The following VWA8 variants were observed in gnomAD, a reference collection of about 807,000 sequenced individuals.
VWA8 encodes von Willebrand factor A domain-containing protein 8.
A neutral mutation model predicts 241.5 loss-of-function variants in VWA8; 221 were observed. The observed-to-expected ratio is 0.91, with a 90% CI of 0.82 to 1.02. VWA8 has a LOEUF of 1.02. VWA8 is among the 50% of genes least tolerant of loss of function. The pLI, the probability that VWA8 is intolerant of heterozygous loss-of-function variation, is 0.00. For missense variants in VWA8, 2,322 were observed against 2,328.7 expected (o/e 1.00, Z 0.06); for synonymous variants, 852 against 827.1 (o/e 1.03, Z -0.52).
chr13:41,830,230 G>C (rs1283720073), intron 14 of VWA8, among the ~76,000 whole-genome samples: 2 of 142,882 alleles, frequency 1.4e-5, no homozygotes, highest in African/African-American at 5.2e-5. Context: ...GTGACAGAGC[G>C]AGACTCTGTC....
chr13:41,870,343 A>G (rs1028466941), intron 9 of VWA8, among the ~76,000 whole-genome samples: 1 of 152,198 alleles, frequency 6.6e-6, no homozygotes, highest in Non-Finnish European at 1.5e-5. Flanking sequence ...AATTCATTAG[A>G]ATGTAGAACA....
At chr13:41,880,125 CG>C (rs1566491988) in intron 9 of VWA8, among the ~76,000 whole-genome samples, 1 of 152,072 alleles carries the variant, frequency 6.6e-6, no homozygotes, top group Non-Finnish European at 1.5e-5. Context: ...CCATGCCCCA[CG>C]TATTATAAAC....
chr13:41,937,427 G>A (rs1414892506), intron 2 of VWA8, among the ~76,000 whole-genome samples: 1 of 152,170 alleles, frequency 6.6e-6, no homozygotes, highest in Non-Finnish European at 1.5e-5. Context: ...CTCATAAGGA[G>A]CGCACAACCT....
intron 17 of VWA8, 34 bp from the exon 18 acceptor site, chr13:41,787,577 C>T (rs1218516978): frequency 1.4e-6 from 2 of 1,380,276 alleles, no homozygotes; most frequent in Admixed American, 3.4e-5. Flanking sequence ...GGGGAAATGG[C>T]TTAAGTCAAA....
intron 9 of VWA8, among the ~76,000 whole-genome samples, chr13:41,875,750 T>C (rs1174615514): frequency 6.6e-6 from 1 of 152,064 alleles, no homozygotes; most frequent in Non-Finnish European, 1.5e-5. Flanking sequence ...TTATTTTCTA[T>C]CTACATTCAC....
intron 16 of VWA8, among the ~76,000 whole-genome samples, chr13:41,815,066 G>C (rs1055556609): frequency 1.3e-5 from 2 of 152,196 alleles, no homozygotes; most frequent in Admixed American, 6.5e-5. Flanking sequence ...GACCACCTGA[G>C]CAAATCCCAA....
chr13:41,611,520 A>G, intron 39 of VWA8, 56 bp downstream of exon 39: 1 of 1,583,894 alleles, frequency 6.3e-7, no homozygotes, highest in East Asian at 2.3e-5. Flanking sequence ...CCCACAGTCC[A>G]TCATGACATT....
At chr13:41,753,909 G>A (rs368544605) in intron 21 of VWA8, among the ~76,000 whole-genome samples, 1 of 152,064 alleles carries the variant, frequency 6.6e-6, no homozygotes. Flanking sequence ...TTTATAGACT[G>A]CCTTTTTTAG....
intron 40 of VWA8, among the ~76,000 whole-genome samples, chr13:41,596,025 T>C (rs2044485765): frequency 6.6e-6 from 1 of 152,204 alleles, no homozygotes; most frequent in Non-Finnish European, 1.5e-5. Context: ...GCCATTCTTT[T>C]GGTGTACAGT....
At position 41,778,019 on chromosome 13, in the gene VWA8, A is replaced by G. The variant is rs977107395; in HGVS notation, c.2315T>C (p.Leu772Pro). ...AACCAATAATAAGTGTTCTCCAAGG[A>G]GAAAGTCTTTCAGCATATCTTCCAT... ...IVMEDMLKDF[L>P]LGEHLLLVGN... The change falls in exon 20 of 45, where the codon CTC becomes CCC. Residue 772 changes from leucine to proline, a missense_variant. Leu to Pro is a moderately conservative substitution (Grantham distance 98). Coordinates refer to ENST00000379310, the MANE Select transcript of VWA8 (RefSeq NM_015058.2). The G allele has an allele frequency of 6.2e-7, 1 of 1,612,488 alleles. No individual in the cohort carries two copies. The highest frequency in any genetic ancestry group is 8.5e-7 in the Non-Finnish European group (1 of 1,179,510).
intron 29 of VWA8, chr13:41,695,988 T>A (rs747983613): frequency 2.0e-5 from 3 of 152,214 alleles, no homozygotes; most frequent in Non-Finnish European, 4.4e-5. Flanking sequence ...GTGGCAGGAC[T>A]GTTAAAATAA....
chr13:41,784,575 G>A (rs1245205894), intron 18 of VWA8, among the ~76,000 whole-genome samples: 12 of 5,950 alleles, frequency 2.0e-3, no homozygotes, highest in Non-Finnish European at 3.0e-4. Flanking sequence ...GAGGCAGGAG[G>A]ATTGCTTGAG....
chr13:41,784,822 G>T (rs1480322955), intron 18 of VWA8, among the ~76,000 whole-genome samples: 1 of 145,714 alleles, frequency 6.9e-6, no homozygotes, highest in East Asian at 2.0e-4. Flanking sequence ...TTTCGAGGTT[G>T]GTCCAGGAGG....
intron 37 of VWA8, among the ~76,000 whole-genome samples, chr13:41,669,662 A>T (rs1200117453): frequency 6.6e-6 from 1 of 152,202 alleles, no homozygotes; most frequent in African/African-American, 2.4e-5. Flanking sequence ...ATGACCTTTG[A>T]TCTCTACCAC....
intron 20 of VWA8, among the ~76,000 whole-genome samples, chr13:41,770,314 G>A (rs186080175): frequency 2.6e-5 from 4 of 151,924 alleles, no homozygotes; most frequent in Non-Finnish European, 5.9e-5. Flanking sequence ...GGTGGCGGGC[G>A]CCTGTAGTCC....
At chr13:41,867,550 G>T (rs1340763573) in intron 10 of VWA8, among the ~76,000 whole-genome samples, 1 of 152,076 alleles carries the variant, frequency 6.6e-6, no homozygotes, top group East Asian at 1.9e-4. Context: ...TACCTTAATG[G>T]ATCTTGCGGG....
intron 17 of VWA8, among the ~76,000 whole-genome samples, chr13:41,788,880 C>T (rs1034753942): frequency 2.0e-5 from 3 of 152,166 alleles, no homozygotes; most frequent in Non-Finnish European, 4.4e-5. Flanking sequence ...ATATAGTCTG[C>T]GTGTCAACAC....
intron 2 of VWA8, among the ~76,000 whole-genome samples, chr13:41,919,536 A>C (rs1876414286): frequency 6.6e-6 from 1 of 152,076 alleles, no homozygotes; most frequent in South Asian, 2.1e-4. Context: ...TCCATCCTGG[A>C]GGCTTTGCCA....
chr13:41,758,272 T>C (rs1282851815), intron 21 of VWA8, among the ~76,000 whole-genome samples: 3 of 149,972 alleles, frequency 2.0e-5, no homozygotes, highest in Non-Finnish European at 4.5e-5. Context: ...AATTTAAAAT[T>C]TGCATATATT....
Sources: gnomAD v4.1 joint callset for allele counts (sites outside exome capture counted in the v4.1 genomes callset) on GRCh38, gnomAD v4.1.1 for gene constraint, MANE v1.5 for transcripts, NCBI Gene and HGNC (gene_info 2026-07-23, HGNC 2026-07-21) for gene names.